The following RIOK1 variants were observed in gnomAD, a reference collection of about 807,000 sequenced individuals.
RIOK1 encodes the protein serine/threonine-protein kinase RIO1.
RIOK1 carries 66 observed loss-of-function variants against 73.5 expected under a neutral mutation model. The observed-to-expected ratio is 0.90, with a 90% confidence interval of 0.74 to 1.10. The LOEUF (loss-of-function observed/expected upper bound fraction) is 1.10, where lower values mean the gene tolerates loss of function less well. Among genes scored for constraint, RIOK1 ranks in the 50% least tolerant of loss-of-function variants. The probability of loss-of-function intolerance (pLI) is 0.00; values close to 1 mark genes in which losing one functional copy is unlikely to be tolerated. For synonymous variants in RIOK1, 224 were observed against 226.8 expected (o/e 0.99, Z 0.11); for missense variants, 658 against 699.8 (o/e 0.94, Z 0.67).
At chr6:7,412,075 G>C (rs370908870) in intron 14 of RIOK1, among the ~76,000 whole-genome samples, 1 of 152,172 alleles carries the variant, frequency 6.6e-6, no homozygotes, top group Admixed American at 6.5e-5. Flanking sequence ...AAAACTACCA[G>C]GTAGGCTGGG....
At chr6:7,408,846 C>T (rs1380438888) in intron 12 of RIOK1, among the ~76,000 whole-genome samples, 3 of 150,184 alleles carry the variant, frequency 2.0e-5, no homozygotes, top group Non-Finnish European at 4.4e-5. Flanking sequence ...CTCAGCCTCC[C>T]GAGTAGCTGG....
chr6:7,417,522 T>G lies in RIOK1; in HGVS notation c.*81T>G, dbSNP rs955559586. 15 of 834,786 alleles carry G rather than the reference T, an allele frequency of 1.8e-5. No individual in the cohort carries two copies. The African/African-American group carries it at 2.3e-4, about 13-fold the overall frequency. 51.7% of individuals were successfully genotyped at this position (834,786 alleles called of 1,614,324 possible). ...TCTTAAGCTGCATCTGGAAGATGGC[T>G]TATTGGTTTTAACCAGATTGTCATC... On this transcript the variant is annotated 3_prime_UTR_variant, in exon 17 of 17. Coordinates refer to ENST00000379834, the MANE Select transcript of RIOK1 (RefSeq NM_031480.3).
Position 7,417,481 on chromosome 6 carries a change from CT to C in RIOK1, c.*44del. The C allele has an allele frequency of 7.9e-7, 1 of 1,268,158 alleles. No homozygotes were observed. Among genetic ancestry groups the C allele is most frequent in the Non-Finnish European group, 1.1e-6 (1 of 915,966 alleles). The allele number at this position is 1,268,158 out of a possible 1,614,324, so 78.6% of individuals were successfully genotyped here. Reference sequence around the variant, plus strand: ...TATGTACAGTCATTTTCCTCAGTTCCTTTTCTCGCCTGAACTCTTAAGCTGC... The same window carrying C: ...TATGTACAGTCATTTTCCTCAGTTCCTTTCTCGCCTGAACTCTTAAGCTGC... On this transcript the variant is annotated 3_prime_UTR_variant, in exon 17 of 17. Coordinates refer to ENST00000379834, the MANE Select transcript of RIOK1 (RefSeq NM_031480.3).
At chr6:7,410,480 T>TG (rs1761859568) in intron 13 of RIOK1, 29 bp downstream of exon 13, 1 of 1,498,860 alleles carries the variant, frequency 6.7e-7, no homozygotes, top group South Asian at 1.2e-5. Context: ...TCACAGCCTT[T>TG]GGAAACACTT....
Position 7,412,875 on chromosome 6 carries a change from A to G in RIOK1, c.1390-14A>G, listed in dbSNP as rs201201602. 354 of 1,425,644 alleles carry G rather than the reference A, an allele frequency of 2.5e-4. No individual in the cohort carries two copies. The highest frequency in any genetic ancestry group is 1.3e-3 in the Middle Eastern group (7 of 5,284). The allele number at this position is 1,425,644 out of a possible 1,614,324, so 88.3% of individuals were successfully genotyped here. A position where few individuals can be genotyped will look rare whatever the true frequency, so the allele number is the denominator to read the frequency against. ...TGTTGATCCTTATTTTTTTTTTTTC[A>G]TTTTGGTTATAAGATTCTATACCAG... On this transcript the variant is annotated splice_polypyrimidine_tract_variant and intron_variant, in intron 14 of 16. Coordinates refer to ENST00000379834, the MANE Select transcript of RIOK1 (RefSeq NM_031480.3).
chr6:7,392,482 C>CCTTAGA (rs1235048170), intron 1 of RIOK1, among the ~76,000 whole-genome samples: 2 of 151,722 alleles, frequency 1.3e-5, no homozygotes, highest in African/African-American at 4.8e-5. Flanking sequence ...AGTAAGACTG[C>CCTTAGA]CTTAGACTTA....
At chr6:7,415,606 A>G (rs1047732247) in intron 16 of RIOK1, among the ~76,000 whole-genome samples, 6 of 152,208 alleles carry the variant, frequency 3.9e-5, no homozygotes, top group African/African-American at 7.2e-5. Context: ...CGTAAACAAA[A>G]ACATCTTCCA....
chr6:7,406,739 C>T (rs1237210042), intron 12 of RIOK1, among the ~76,000 whole-genome samples: 3 of 152,160 alleles, frequency 2.0e-5, no homozygotes, highest in African/African-American at 7.2e-5. Flanking sequence ...TGGCTCACTG[C>T]AACCTCTGCC....
intron 5 of RIOK1, 42 bp downstream of exon 5, chr6:7,398,782 A>C: frequency 6.7e-7 from 1 of 1,486,252 alleles, no homozygotes; most frequent in Non-Finnish European, 9.3e-7. Flanking sequence ...TTTAATTAGC[A>C]TTTCTTCTCT....
chr6:7,414,913 T>C (rs567912049), intron 16 of RIOK1, among the ~76,000 whole-genome samples: 19 of 152,208 alleles, frequency 1.2e-4, no homozygotes, highest in Non-Finnish European at 1.9e-4. Flanking sequence ...CCATCCTGCC[T>C]GGAATGTGAA....
rs866875419 is a variant in RIOK1, at chr6:7,395,060, G to A, written c.284G>A (p.Arg95Gln). Residue 95 changes from arginine to glutamine, a missense_variant, in exon 3 of 17, where the codon CGA (arginine) becomes CAA (glutamine). Physicochemically the swap from Arg to Gln is conservative, Grantham distance 43 (BLOSUM62 1). Coordinates refer to ENST00000379834, the MANE Select transcript of RIOK1 (RefSeq NM_031480.3). ...TCTGGAATTCCCTTCTAGGCAAATC[G>A]ACAGACCTCCGACAGCAGTTCAGCC... ...WNGGSNPQAN[R>Q]QTSDSSSAKM... 1.2e-5 allele frequency: 20 copies of A among 1,613,716 alleles called. No individual in the cohort carries two copies. The highest frequency in any genetic ancestry group is 8.0e-5 in the African/African-American group (6 of 74,896).
At chr6:7,415,059 T>A (rs1761965636) in intron 16 of RIOK1, among the ~76,000 whole-genome samples, 1 of 152,208 alleles carries the variant, frequency 6.6e-6, no homozygotes, top group African/African-American at 2.4e-5. Context: ...TGCTTAATAA[T>A]GACCGTAAAT....
At chr6:7,400,710 G>C (rs1761590923) in intron 5 of RIOK1, among the ~76,000 whole-genome samples, 1 of 152,122 alleles carries the variant, frequency 6.6e-6, no homozygotes, top group Admixed American at 6.5e-5. Context: ...TCTTGAACTT[G>C]GTTGCCTTTG....
rs1205099215 is a variant in RIOK1, at chr6:7,405,343, T to C, written c.1191T>C (p.Ala397=). The change falls in exon 12 of 17, where the codon GCT becomes GCC. Residue 397 remains alanine, a synonymous_variant. Transcript: ENST00000379834. ...DPSITHENMD[A]YLSKAMEIAS... ...CCATTACACATGAGAACATGGATGC[T>C]TATCTCTCAAAGGTAAGATGGGGAG... The C allele has an allele frequency of 6.3e-7, 1 of 1,594,064 alleles. No homozygotes were observed. Among genetic ancestry groups the C allele is most frequent in the Non-Finnish European group, 8.6e-7 (1 of 1,161,956 alleles).
intron 14 of RIOK1, 190 bp downstream of exon 14, chr6:7,411,641 G>T: frequency 1.8e-6 from 1 of 543,320 alleles, no homozygotes; most frequent in Non-Finnish European, 3.2e-6. Context: ...ATTTATGAGA[G>T]GAGGTAACAC....
In RIOK1 at chr6:7,396,762, G is replaced by T; in HGVS notation, c.427G>T (p.Glu143Ter). 6.4e-7 allele frequency: 1 copy of T among 1,572,542 alleles called. No individual in the cohort carries two copies. The change falls in exon 4 of 17, where the codon GAA becomes TAA. Residue 143 changes from glutamate (E) to a stop codon, truncating the protein, a stop_gained. Coordinates refer to ENST00000379834, the MANE Select transcript of RIOK1 (RefSeq NM_031480.3). LOFTEE classifies it high-confidence loss of function. ...NKVTEKSRQK[E>*]ADMYRIKDKA... ...AGTCACCGAAAAGTCTAGACAAAAG[G>T]AAGCAGATATGTAAGTAATATTTTA...
At position 7,393,113 on chromosome 6, in the gene RIOK1, TGAA is replaced by T. The variant is rs1312248956; in HGVS notation, c.89_91del (p.Lys30del). On this transcript the variant is annotated inframe_deletion, in exon 2 of 17. Coordinates refer to ENST00000379834, the MANE Select transcript of RIOK1 (RefSeq NM_031480.3). ...GTTATTTCTAGTGAAAACAGAGACT[TGAA>T]GACAGTCAAAGAGAAGGATGACATT... The T allele has an allele frequency of 1.9e-6, 3 of 1,613,526 alleles. No homozygotes were observed. The highest frequency in any genetic ancestry group is 2.5e-6 in the Non-Finnish European group (3 of 1,179,650).
At chr6:7,390,152 C>A in intron 1 of RIOK1, 79 bp downstream of exon 1, 9 of 1,219,764 alleles carry the variant, frequency 7.4e-6, no homozygotes, top group South Asian at 1.3e-5. Flanking sequence ...CTCTTGTTTG[C>A]GGTTTAGAGG....
At chr6:7,394,971 A>G in intron 2 of RIOK1, 82 bp from the exon 3 acceptor site, 1 of 1,570,442 alleles carries the variant, frequency 6.4e-7, no homozygotes, top group Admixed American at 1.8e-5. Flanking sequence ...TTTAATAGCT[A>G]AGTATGAACT....
Sources: gnomAD v4.1 joint callset for allele counts (sites outside exome capture counted in the v4.1 genomes callset) on GRCh38, gnomAD v4.1.1 for gene constraint, MANE v1.5 for transcripts, NCBI Gene and HGNC (gene_info 2026-07-23, HGNC 2026-07-21) for gene names.